Variants in GRID2 observed in about 807,000 individuals in gnomAD.
GRID2 encodes glutamate receptor ionotropic, delta-2.
Under a neutral mutation model 114.8 loss-of-function variants are expected in GRID2, and 33 were observed. The observed-to-expected ratio is 0.29, with a 90% CI of 0.22 to 0.38. GRID2 has a LOEUF of 0.38. Ranked by LOEUF, GRID2 falls within the 10% of genes least tolerant of loss-of-function variation. The probability of loss-of-function intolerance (pLI) is 1.00; values close to 1 mark genes in which losing one functional copy is unlikely to be tolerated. For missense variants in GRID2, 1,184 were observed against 1,257.7 expected, an observed-to-expected ratio of 0.94 and a Z score of 0.89; for synonymous variants, 505 against 449.9, an observed-to-expected ratio of 1.12 and a Z score of -1.55.
rs898326674 is a variant in GRID2 at position 93,224,801 on chromosome 4, A to C, written c.1125+26A>C. 2.7e-6 allele frequency: 4 copies of C among 1,500,172 alleles called. No individual in the cohort carries two copies. The African/African-American group carries it at 4.2e-5, about 16-fold the overall frequency. 92.9% of individuals were successfully genotyped at this position (1,500,172 alleles called of 1,614,324 possible). A position where few individuals can be genotyped will look rare whatever the true frequency, so the allele number is the denominator to read the frequency against. On this transcript the variant is annotated intron_variant, in intron 7 of 15. Coordinates refer to ENST00000282020, the MANE Select transcript of GRID2 (RefSeq NM_001510.4). The stretch of plus-strand genomic sequence containing the variant: ...GTAACTTCTTAATTTTCATGTAAAA[A>C]GGATATGGTAAATAATTATTTGACA...
At chr4:93,294,807 G>A (rs772538690) in intron 8 of GRID2, among the ~76,000 whole-genome samples, 14 of 152,132 alleles carry the variant, frequency 9.2e-5, no homozygotes, top group African/African-American at 1.2e-4. Flanking sequence ...TGATCGGCCC[G>A]CCTCAGCCTC....
chr4:92,740,450 T>C (rs1473056100), intron 2 of GRID2, among the ~76,000 whole-genome samples: 4 of 152,296 alleles, frequency 2.6e-5, no homozygotes, highest in Non-Finnish European at 1.5e-5. Flanking sequence ...TCTGAATCTC[T>C]AAATCAAAGC....
intron 14 of GRID2, among the ~76,000 whole-genome samples, chr4:93,695,706 C>T (rs552479850): frequency 2.3e-4 from 35 of 152,272 alleles, no homozygotes; most frequent in African/African-American, 8.2e-4. Flanking sequence ...AGGGATCAAA[C>T]TAGTTGATTA....
At chr4:93,649,114 A>T (rs1343858984) in intron 14 of GRID2, among the ~76,000 whole-genome samples, 1 of 152,140 alleles carries the variant, frequency 6.6e-6, no homozygotes, top group Non-Finnish European at 1.5e-5. Context: ...CAACCATGAT[A>T]TCATCTTCAA....
intron 4 of GRID2, among the ~76,000 whole-genome samples, chr4:93,183,041 TC>T (rs1189590925): frequency 6.6e-6 from 1 of 152,236 alleles, no homozygotes; most frequent in Non-Finnish European, 1.5e-5. Flanking sequence ...ATTCACAGGT[TC>T]TTTTATTCAT....
chr4:92,506,728 TGG>T (rs1723992232), intron 1 of GRID2, among the ~76,000 whole-genome samples: 1 of 151,962 alleles, frequency 6.6e-6, no homozygotes, highest in South Asian at 2.1e-4. Flanking sequence ...TATTAGGAAT[TGG>T]AGAATACAGA....
chr4:93,007,535 G>C (rs1271545703), intron 2 of GRID2, among the ~76,000 whole-genome samples: 2 of 151,550 alleles, frequency 1.3e-5, no homozygotes, highest in Admixed American at 6.6e-5. Context: ...TAAAGACATA[G>C]TTTTAAACTT....
intron 14 of GRID2, among the ~76,000 whole-genome samples, chr4:93,745,606 A>G (rs1321227531): frequency 6.6e-6 from 1 of 152,142 alleles, no homozygotes; most frequent in Non-Finnish European, 1.5e-5. Flanking sequence ...TCTGAAAGTG[A>G]ACCTCTTTTT....
Position 93,772,539 on chromosome 4 carries a change from C to T in GRID2, c.*41C>T. ...CTTCACTGTTTCTTTTTTAGGACTC[C>T]CTTTGCAAGGAGCAACTGTAATATT... On this transcript the variant is annotated 3_prime_UTR_variant, in exon 16 of 16. Coordinates refer to ENST00000282020, the MANE Select transcript of GRID2 (RefSeq NM_001510.4). 1.4e-6 allele frequency: 2 copies of T among 1,391,490 alleles called. No homozygotes were observed. Among genetic ancestry groups the T allele is most frequent in the Non-Finnish European group, 2.0e-6 (2 of 1,016,078 alleles). 86.2% of individuals were successfully genotyped at this position (1,391,490 alleles called of 1,614,324 possible).
intron 2 of GRID2, among the ~76,000 whole-genome samples, chr4:92,901,131 A>G (rs150224478): frequency 0.01 from 1,589 of 152,290 alleles, 14 homozygotes; most frequent in Non-Finnish European, 0.015. Flanking sequence ...TTCTATCTCT[A>G]GTTATTTGAT....
At chr4:93,262,857 T>C (rs1482566662) in intron 8 of GRID2, among the ~76,000 whole-genome samples, 3 of 151,954 alleles carry the variant, frequency 2.0e-5, no homozygotes, top group Non-Finnish European at 4.4e-5. Flanking sequence ...TACTAAAGTC[T>C]GTAGCATTCT....
intron 14 of GRID2, among the ~76,000 whole-genome samples, chr4:93,644,435 A>G (rs1418373875): frequency 6.6e-6 from 1 of 152,110 alleles, no homozygotes; most frequent in Non-Finnish European, 1.5e-5. Context: ...AAATCGTGAG[A>G]TTTCTACTCT....
intron 8 of GRID2, among the ~76,000 whole-genome samples, chr4:93,312,518 T>C (rs1163923187): frequency 6.6e-6 from 1 of 152,154 alleles, no homozygotes; most frequent in African/African-American, 2.4e-5. Flanking sequence ...AAAACATCAA[T>C]TGTTTGATTA....
chr4:92,444,897 G>C (rs1343279008), intron 1 of GRID2, among the ~76,000 whole-genome samples: 1 of 152,106 alleles, frequency 6.6e-6, no homozygotes, highest in Non-Finnish European at 1.5e-5. Flanking sequence ...TTCTCAAAAA[G>C]TGAAGACTTT....
At chr4:93,679,978 T>A (rs1725343576) in intron 14 of GRID2, among the ~76,000 whole-genome samples, 1 of 150,996 alleles carries the variant, frequency 6.6e-6, no homozygotes, top group Non-Finnish European at 1.5e-5. Context: ...AAAAAATTAA[T>A]GAATCCAGGA....
chr4:92,622,450 T>C (rs1338579094), intron 2 of GRID2, among the ~76,000 whole-genome samples: 1 of 151,716 alleles, frequency 6.6e-6, no homozygotes, highest in Non-Finnish European at 1.5e-5. Context: ...TAGGAGGATA[T>C]TTTAAGAGAT....
chr4:93,180,855 G>A (rs1739826719), intron 4 of GRID2, among the ~76,000 whole-genome samples: 1 of 152,032 alleles, frequency 6.6e-6, no homozygotes, highest in African/African-American at 2.4e-5. Flanking sequence ...GCTATTTACA[G>A]CACATCTGCC....
At chr4:92,363,905 C>T (rs184391162) in intron 1 of GRID2, among the ~76,000 whole-genome samples, 82 of 150,160 alleles carry the variant, frequency 5.5e-4, no homozygotes, top group African/African-American at 1.9e-3. Context: ...CTGCAGCCTC[C>T]ACCTCCTGGG....
intron 2 of GRID2, among the ~76,000 whole-genome samples, chr4:92,769,227 C>G (rs1014831835): frequency 7.2e-5 from 11 of 152,126 alleles, no homozygotes; most frequent in African/African-American, 2.7e-4. Context: ...CCTAAAGTGC[C>G]AAAATTATCT....
Sources: allele counts gnomAD v4.1 joint callset (sites outside exome capture counted in the v4.1 genomes callset), GRCh38; gene constraint gnomAD v4.1.1; transcripts MANE v1.5; gene names NCBI Gene and HGNC (gene_info 2026-07-23, HGNC 2026-07-21).